Variants in REN observed in about 807,000 individuals in gnomAD.
The protein encoded by REN is angiotensin-forming enzyme.
REN carries 42 observed loss-of-function variants against 48.6 expected under a neutral mutation model. The observed-to-expected ratio is 0.86, with a 90% CI of 0.68 to 1.12. REN has a LOEUF of 1.12. Ranked by LOEUF, REN falls within the 50% of genes most tolerant of loss-of-function variation. The pLI is 0.00. For missense variants in REN, 443 were observed against 527.3 expected, an observed-to-expected ratio of 0.84 and a Z score of 1.57; for synonymous variants, 196 against 204.6, an observed-to-expected ratio of 0.96 and a Z score of 0.36.
At position 204,156,314 on chromosome 1, in the gene REN, G is replaced by A; in HGVS notation, c.824C>T (p.Ser275Phe). 1 of 1,608,930 alleles carries A rather than the reference G, an allele frequency of 6.2e-7. No individual in the cohort carries two copies. The highest frequency in any genetic ancestry group is 1.3e-5 in the African/African-American group (1 of 74,632). Residue 275 changes from serine to phenylalanine, a missense_variant, in exon 8 of 10, where the codon TCT (serine) becomes TTT (phenylalanine). Physicochemically the swap from Ser to Phe is radical, Grantham distance 155. Transcript: ENST00000272190. The surrounding 1 kb of genome is among the most constrained non-coding windows in gnomAD (Gnocchi z 4.2). ...GVWQIQMKGV[S>F]VGSSTLLCED... is the part of the protein sequence containing the mutation. ...ACAGAGCAAGGTGGATGACCCCACA[G>A]ACACCCTGGGGGAGGCCACAGTCAG...
rs1047681935 is a variant in REN, at chr1:204,155,931, G to A, written c.961-13C>T. 5.0e-6 allele frequency: 8 copies of A among 1,600,804 alleles called. No homozygotes were observed. Among genetic ancestry groups the A allele is most frequent in the South Asian group, 1.1e-5 (1 of 90,724 alleles). On this transcript the variant is annotated splice_polypyrimidine_tract_variant and intron_variant, in intron 8 of 9. Transcript: ENST00000272190. ...ACTTCACGACATACTGGGGTGGGGG[G>A]CAAAGAGAGCCTTCTTGAGTATGGA...
intron 1 of REN, among the ~76,000 whole-genome samples, chr1:204,165,684 G>C (rs1462463936): frequency 6.6e-6 from 1 of 151,340 alleles, no homozygotes; most frequent in Non-Finnish European, 1.5e-5. Flanking sequence ...TCCACCTTCC[G>C]GGCTCAAACG....
In REN at chr1:204,162,923, G is replaced by A. The variant is rs552398270; in HGVS notation, c.99-760C>T. 1.3e-4 allele frequency among the ~76,000 whole-genome samples: 20 copies of A among 152,308 alleles called. No homozygotes were observed. The South Asian group carries it at 1.5e-3, about 11-fold the overall frequency. ...CCTAGGAAACTGACTCTACTGAGCC[G>A]CTACTGAAATCACACCAACAAGCTA... On this transcript the variant is annotated intron_variant, in intron 1 of 9. Coordinates refer to ENST00000272190, the MANE Select transcript of REN (RefSeq NM_000537.4).
chr1:204,166,251 G>A lies in REN; in HGVS notation c.43C>T (p.Leu15=). The A allele has an allele frequency of 6.2e-7, 1 of 1,614,234 alleles. No homozygotes were observed. Reference sequence around the variant, plus strand: ...CCAAAGGTACAGGAGCCCCAGAGCAGCAGCAGCAGTCCCCAGCGAGGCATC... The same window carrying A: ...CCAAAGGTACAGGAGCCCCAGAGCAACAGCAGCAGTCCCCAGCGAGGCATC... ...RRMPRWGLLL[L]LWGSCTFGLP... Residue 15 remains leucine, a synonymous_variant, in exon 1 of 10, where the codon CTG becomes TTG. Transcript: ENST00000272190.
chr1:204,156,053 A>G lies in REN; in HGVS notation c.960+125T>C, dbSNP rs953389149. On this transcript the variant is annotated intron_variant, in intron 8 of 9. Transcript: ENST00000272190. This position sits in a 1 kb window ranked among gnomAD's most constrained non-coding sequence, Gnocchi z 4.2. ...CCCCGCCCCATGGGTGACCAGCCAC[A>G]TGTGTGGAGAGTGTGAGGTGAACAA... is the stretch of plus-strand genomic sequence containing the variant. 1 of 1,496,680 alleles carries G rather than the reference A, an allele frequency of 6.7e-7. No individual in the cohort carries two copies. Among genetic ancestry groups the G allele is most frequent in the Non-Finnish European group, 9.3e-7 (1 of 1,075,772 alleles). 92.7% of individuals were successfully genotyped at this position (1,496,680 alleles called of 1,614,324 possible).
chr1:204,154,975 G>A lies in REN; in HGVS notation c.*41C>T, dbSNP rs936601318. 2 of 1,608,664 alleles carry A rather than the reference G, an allele frequency of 1.2e-6. No individual in the cohort carries two copies. Among genetic ancestry groups the A allele is most frequent in the Non-Finnish European group, 1.7e-6 (2 of 1,177,720 alleles). Reference sequence around the variant, plus strand: ...ATCTCAGAGAGTGTTCCAGCTCTGGGCCAGGGCTGAAGGCAGGGCCTGCCT... The same window carrying A: ...ATCTCAGAGAGTGTTCCAGCTCTGGACCAGGGCTGAAGGCAGGGCCTGCCT... On this transcript the variant is annotated 3_prime_UTR_variant, in exon 10 of 10. Coordinates refer to ENST00000272190, the MANE Select transcript of REN (RefSeq NM_000537.4).
chr1:204,161,416 C>T lies in REN; in HGVS notation c.250-1G>A, dbSNP rs1303658758. Reference sequence around the variant, plus strand: ...TGCCAATCTCGCCATAGTACTGGGTCTGTGGGGGTAAAAAGAGAGGGCTGG... The same window carrying T: ...TGCCAATCTCGCCATAGTACTGGGTTTGTGGGGGTAAAAAGAGAGGGCTGG... On this transcript the variant is annotated splice_acceptor_variant, in intron 2 of 9. Transcript: ENST00000272190. LOFTEE classifies it high-confidence loss of function. 6.4e-7 allele frequency: 1 copy of T among 1,552,664 alleles called. No homozygotes were observed. Among genetic ancestry groups the T allele is most frequent in the South Asian group, 1.2e-5 (1 of 80,596 alleles).
At chr1:204,162,345 G>A (rs1410896928) in intron 1 of REN, among the ~76,000 whole-genome samples, 182 bp from the exon 2 acceptor site, 2 of 152,190 alleles carry the variant, frequency 1.3e-5, no homozygotes, top group Non-Finnish European at 2.9e-5. Context: ...CTTGTCAAGA[G>A]TCAATTTAGA....
intron 2 of REN, 124 bp downstream of exon 2, chr1:204,161,889 C>A (rs1658251814): frequency 1.6e-6 from 2 of 1,218,766 alleles, no homozygotes; most frequent in East Asian, 4.9e-5. Flanking sequence ...CTAGGGTGCT[C>A]ACGTGCTACT....
chr1:204,156,826 C>A lies in REN; in HGVS notation c.699-30G>T, dbSNP rs778456264. 19 of 1,612,444 alleles carry A rather than the reference C, an allele frequency of 1.2e-5. No homozygotes were observed. Among genetic ancestry groups the A allele is most frequent in the African/African-American group, 2.7e-5 (2 of 74,888 alleles). Reference sequence around the variant, plus strand: ...AGGAAAGATCAGAAGCTCTTGGAAACCCATAACCTCCAGGACCCAGCAACT... The same window carrying A: ...AGGAAAGATCAGAAGCTCTTGGAAAACCATAACCTCCAGGACCCAGCAACT... On this transcript the variant is annotated intron_variant, in intron 6 of 9. Coordinates refer to ENST00000272190, the MANE Select transcript of REN (RefSeq NM_000537.4). This position sits in a 1 kb window ranked among gnomAD's most constrained non-coding sequence, Gnocchi z 4.2.
chr1:204,155,821 T>C lies in REN; in HGVS notation c.1058A>G (p.Gln353Arg). ...CGAGGGGGCCGACTCGAACCTCACC[T>C]GAAATACATAGTCCGCGCTGGTGAG... ...YTLTSADYVF[Q>R]ESYSSKKLCT... is the part of the protein sequence containing the mutation. The change falls in exon 9 of 10, where the codon CAG (glutamine) becomes CGG (arginine). Residue 353 changes from glutamine (Q) to arginine (R), a missense_variant and splice_region_variant. Coordinates refer to ENST00000272190, the MANE Select transcript of REN (RefSeq NM_000537.4). The C allele has an allele frequency of 3.1e-6, 5 of 1,613,094 alleles. No individual in the cohort carries two copies. Among genetic ancestry groups the C allele is most frequent in the Non-Finnish European group, 4.2e-6 (5 of 1,179,372 alleles).
chr1:204,156,022 A>T lies in REN; in HGVS notation c.961-104T>A, dbSNP rs574381482. 303 of 1,431,442 alleles carry T rather than the reference A, an allele frequency of 2.1e-4. 1 individual carries two copies. In the African/African-American group the frequency reaches 3.3e-3, roughly 16 times the overall value. 88.7% of individuals were successfully genotyped at this position (1,431,442 alleles called of 1,614,324 possible). ...GTCTCTCTGCTGGAGAGGGCTGGGGACAGTGCCCCGCCCCATGGGTGACCA... is the reference window on the plus strand; with the variant it reads ...GTCTCTCTGCTGGAGAGGGCTGGGGTCAGTGCCCCGCCCCATGGGTGACCA... On this transcript the variant is annotated intron_variant, in intron 8 of 9. Transcript: ENST00000272190. The surrounding 1 kb of genome is among the most constrained non-coding windows in gnomAD (Gnocchi z 4.2).
intron 5 of REN, among the ~76,000 whole-genome samples, chr1:204,158,004 T>A (rs1658178060): frequency 6.6e-6 from 1 of 152,144 alleles, no homozygotes; most frequent in Admixed American, 6.5e-5. Flanking sequence ...TTAATCTCTT[T>A]CTTTCCATTG....
In REN at chr1:204,154,965, C is replaced by G; in HGVS notation, c.*51G>C. 6.2e-7 allele frequency: 1 copy of G among 1,602,122 alleles called. No individual in the cohort carries two copies. Among genetic ancestry groups the G allele is most frequent in the Non-Finnish European group, 8.5e-7 (1 of 1,172,864 alleles). On this transcript the variant is annotated 3_prime_UTR_variant, in exon 10 of 10. Transcript: ENST00000272190. ...GCAGAGGGGCATCTCAGAGAGTGTT[C>G]CAGCTCTGGGCCAGGGCTGAAGGCA...
At chr1:204,160,787 T>TG in intron 3 of REN, 109 bp from the exon 4 acceptor site, 1 of 822,600 alleles carries the variant, frequency 1.2e-6, no homozygotes, top group Non-Finnish European at 2.2e-6. Context: ...CAGGGATGAG[T>TG]GGCCCTAGGG....
chr1:204,166,267 G>C lies in REN; in HGVS notation c.27C>G (p.Arg9=). The C allele has an allele frequency of 6.2e-7, 1 of 1,614,216 alleles. No individual in the cohort carries two copies. The highest frequency in any genetic ancestry group is 1.6e-4 in the Middle Eastern group (1 of 6,062). Residue 9 remains arginine, a synonymous_variant, in exon 1 of 10, where the codon CGC becomes CGG. Transcript: ENST00000272190. ...CCCAGAGCAGCAGCAGCAGTCCCCA[G>C]CGAGGCATCCTTCTCCATCCATCCA... MDGWRRMP[R]WGLLLLLWGS...
rs369370667 is a variant in REN at position 204,159,629 on chromosome 1, A to T, written c.493-34T>A. ...GGAAGGACCAGAGGAGACCAAGCCC[A>T]CTGCCCACTCCTTGGTTGGAGTCTG... is the stretch of plus-strand genomic sequence containing the variant. On this transcript the variant is annotated intron_variant, in intron 4 of 9. Coordinates refer to ENST00000272190, the MANE Select transcript of REN (RefSeq NM_000537.4). The T allele has an allele frequency of 3.1e-6, 5 of 1,598,510 alleles. No homozygotes were observed. The African/African-American group carries it at 5.4e-5, about 17-fold the overall frequency.
At position 204,161,303 on chromosome 1, in the gene REN, T is replaced by C. The variant is rs1410855329; in HGVS notation, c.362A>G (p.Tyr121Cys). 1 of 1,606,560 alleles carries C rather than the reference T, an allele frequency of 6.2e-7. No individual in the cohort carries two copies. Among genetic ancestry groups the C allele is most frequent in the Non-Finnish European group, 8.5e-7 (1 of 1,176,556 alleles). The part of the protein sequence containing the change: ...WVPSSKCSRL[Y>C]TACVYHKLFD... ...GTCTTAGGTCTCACCACAGGCAGTG[T>C]AGAGACGGCTGCACTTGGAGGAGGG... The change falls in exon 3 of 10, where the codon TAC becomes TGC. Residue 121 changes from tyrosine (Y) to cysteine (C), a missense_variant. Physicochemically the swap from Tyr to Cys is radical, Grantham distance 194 (BLOSUM62 -2). Coordinates refer to ENST00000272190, the MANE Select transcript of REN (RefSeq NM_000537.4).
In REN at chr1:204,166,169, C is replaced by T. The variant is rs1658345190; in HGVS notation, c.98+27G>A. On this transcript the variant is annotated intron_variant, in intron 1 of 9. Transcript: ENST00000272190. ...GGTGGGAACCCTGCACCCCTCCCAC[C>T]CCTTCTCTGCCTGAGTTACCAATTA... The T allele has an allele frequency of 3.1e-6, 5 of 1,598,792 alleles. No individual in the cohort carries two copies. The African/African-American group carries it at 5.4e-5, about 17-fold the overall frequency.
Sources: gnomAD v4.1 joint callset for allele counts (sites outside exome capture counted in the v4.1 genomes callset) on GRCh38, gnomAD v4.1.1 for gene constraint, Gnocchi (gnomAD v3.1) non-coding constraint, MANE v1.5 for transcripts, NCBI Gene and HGNC (gene_info 2026-07-23, HGNC 2026-07-21) for gene names.